The following MCM10 variants were observed in gnomAD, a reference collection of about 807,000 sequenced individuals.
The protein encoded by MCM10 is protein MCM10 homolog.
A neutral mutation model predicts 109.9 loss-of-function variants in MCM10; 91 were observed. That is an observed-to-expected ratio of 0.83 (90% CI 0.70 to 0.99). MCM10 has a LOEUF of 0.99. Among genes scored for constraint, MCM10 ranks in the 50% least tolerant of loss-of-function variants. MCM10 has a pLI of 0.00. For synonymous variants in MCM10, 380 were observed against 387.2 expected, an observed-to-expected ratio of 0.98 and a Z score of 0.22; for missense variants, 1,077 against 1,061.2, an observed-to-expected ratio of 1.01 and a Z score of -0.21.
intron 17 of MCM10, chr10:13,201,898 C>T (rs10796037): frequency 0.84 from 176,951 of 210,472 alleles, 74,753 homozygotes; most frequent in South Asian, 0.89. Context: ...GTTGAACCCC[C>T]TGGCCTCTCC....
chr10:13,198,918 CAG>C, intron 16 of MCM10, 111 bp downstream of exon 16: 1 of 741,986 alleles, frequency 1.3e-6, no homozygotes, highest in East Asian at 2.7e-5. Flanking sequence ...TTTTCTGAGA[CAG>C]AGTCTCAGTC....
chr10:13,173,813 G>A (rs1416319719), intron 5 of MCM10, among the ~76,000 whole-genome samples: 2 of 152,134 alleles, frequency 1.3e-5, no homozygotes, highest in Admixed American at 6.6e-5. Flanking sequence ...TTTAAGGGGT[G>A]GGGAATGGGC....
In MCM10 at chr10:13,175,496, T is replaced by G. The variant is rs771931015; in HGVS notation, c.593-14T>G. ...AGTGTGGTTGCCTTTTCATTAATTGTGTTAATTTTCTAGATCCCAAAAGCT... is the reference window on the plus strand; with the variant it reads ...AGTGTGGTTGCCTTTTCATTAATTGGGTTAATTTTCTAGATCCCAAAAGCT... On this transcript the variant is annotated splice_polypyrimidine_tract_variant and intron_variant, in intron 5 of 19. Coordinates refer to ENST00000378714, the MANE Select transcript of MCM10 (RefSeq NM_018518.5). The G allele has an allele frequency of 2.5e-6, 4 of 1,611,758 alleles. No homozygotes were observed. In the Admixed American group the frequency reaches 6.7e-5, roughly 27 times the overall value.
chr10:13,164,191 C>A lies in MCM10; in HGVS notation c.-12C>A. On this transcript the variant is annotated 5_prime_UTR_variant, in exon 2 of 20. Coordinates refer to ENST00000378714, the MANE Select transcript of MCM10 (RefSeq NM_018518.5). Reference sequence around the variant, plus strand: ...CTTCGAAGTTTCCTGTCACAACTGTCCTCTTGACAGCATGGATGGTAAGAC... The same window carrying A: ...CTTCGAAGTTTCCTGTCACAACTGTACTCTTGACAGCATGGATGGTAAGAC... The A allele has an allele frequency of 6.3e-7, 1 of 1,593,352 alleles. No individual in the cohort carries two copies. The highest frequency in any genetic ancestry group is 8.5e-7 in the Non-Finnish European group (1 of 1,173,926).
chr10:13,180,404 T>G (rs1164343355), intron 6 of MCM10, 38 bp from the exon 7 acceptor site: 2 of 1,576,346 alleles, frequency 1.3e-6, no homozygotes, highest in Non-Finnish European at 1.7e-6. Flanking sequence ...ATTTCTTTAT[T>G]AGAATCATAA....
At chr10:13,194,790 C>T (rs1429661364) in intron 13 of MCM10, among the ~76,000 whole-genome samples, 4 of 152,184 alleles carry the variant, frequency 2.6e-5, no homozygotes, top group African/African-American at 9.7e-5. Flanking sequence ...TTGATAAAAA[C>T]AGTTATCAGT....
chr10:13,163,914 T>C (rs1833960551), intron 1 of MCM10, among the ~76,000 whole-genome samples: 1 of 152,148 alleles, frequency 6.6e-6, no homozygotes, highest in Admixed American at 6.5e-5. Flanking sequence ...TCAATAACTT[T>C]CTGTAACCTT....
intron 2 of MCM10, among the ~76,000 whole-genome samples, 192 bp from the exon 3 acceptor site, chr10:13,170,730 A>G (rs1295344086): frequency 6.6e-6 from 1 of 152,108 alleles, no homozygotes; most frequent in Non-Finnish European, 1.5e-5. Flanking sequence ...TTTTAGATTC[A>G]GGCTTGTTAC....
intron 17 of MCM10, chr10:13,201,757 T>G (rs1834503484): frequency 3.8e-6 from 2 of 520,648 alleles, no homozygotes; most frequent in Non-Finnish European, 6.9e-6. Context: ...CTTCTCTCAT[T>G]TGACCACAGC....
At chr10:13,184,056 C>T (rs993797511) in intron 8 of MCM10, among the ~76,000 whole-genome samples, 2 of 151,998 alleles carry the variant, frequency 1.3e-5, no homozygotes, top group Admixed American at 6.6e-5. Flanking sequence ...ACGAGTTTTA[C>T]CATGTTGGCC....
rs751899271 is a variant in MCM10, at chr10:13,188,895, C to T, written c.1230C>T (p.Tyr410=). ...GCCTTTTGCAGCGTGACTGTGAGTA[C>T]TGTCAGTACCATGTCCAGGCTCAGT... ...TQTVNLRDCE[Y]CQYHVQAQYK... is the part of the protein sequence containing the mutation. Residue 410 remains tyrosine, a synonymous_variant, in exon 10 of 20, where the codon TAC becomes TAT. Transcript: ENST00000378714. 4 of 1,614,140 alleles carry T rather than the reference C, an allele frequency of 2.5e-6. No homozygotes were observed. The South Asian group carries it at 4.4e-5, about 18-fold the overall frequency.
chr10:13,170,418 A>C (rs1834054790), intron 2 of MCM10, among the ~76,000 whole-genome samples: 2 of 152,156 alleles, frequency 1.3e-5, no homozygotes, highest in African/African-American at 4.8e-5. Flanking sequence ...TATACATCTA[A>C]AGCCTAAATC....
chr10:13,198,154 C>T (rs552061444), intron 15 of MCM10, among the ~76,000 whole-genome samples: 56 of 152,138 alleles, frequency 3.7e-4, no homozygotes, highest in African/African-American at 1.2e-3. Context: ...CCTCATGATC[C>T]GCCCGCCTTG....
At chr10:13,170,568 A>G (rs1834056960) in intron 2 of MCM10, among the ~76,000 whole-genome samples, 1 of 152,308 alleles carries the variant, frequency 6.6e-6, no homozygotes. Flanking sequence ...ACTAAGCAGT[A>G]TTGGCTCCTT....
At chr10:13,200,718 A>T (rs1421650403) in intron 16 of MCM10, among the ~76,000 whole-genome samples, 1 of 152,190 alleles carries the variant, frequency 6.6e-6, no homozygotes, top group Non-Finnish European at 1.5e-5. Context: ...CAGGAAACTC[A>T]CCAGTGGGGG....
At chr10:13,185,888 G>A (rs1408940495) in intron 8 of MCM10, among the ~76,000 whole-genome samples, 2 of 152,112 alleles carry the variant, frequency 1.3e-5, no homozygotes, top group African/African-American at 4.8e-5. Context: ...AGCCCCCCAA[G>A]TAACTGGGAC....
At chr10:13,198,057 C>T (rs749238093) in intron 15 of MCM10, among the ~76,000 whole-genome samples, 3 of 151,918 alleles carry the variant, frequency 2.0e-5, no homozygotes, top group South Asian at 2.1e-4. Context: ...GGACTACAAG[C>T]GCGCGCCACC....
At chr10:13,168,238 T>C (rs1437009747) in intron 2 of MCM10, among the ~76,000 whole-genome samples, 1 of 152,244 alleles carries the variant, frequency 6.6e-6, no homozygotes, top group Non-Finnish European at 1.5e-5. Context: ...CTGCCTGGCC[T>C]CTTCTCTCTT....
rs138488957 is a variant in MCM10, at chr10:13,172,506, C to G, written c.454+26C>G. 21 of 1,605,722 alleles carry G rather than the reference C, an allele frequency of 1.3e-5. No homozygotes were observed. In the South Asian group the frequency reaches 2.3e-4, roughly 18 times the overall value. Reference sequence around the variant, plus strand: ...GTAAGAAGACTGTCATTCTGGCAATCGTGTGCATTTATTTTATTAGAAATT... The same window carrying G: ...GTAAGAAGACTGTCATTCTGGCAATGGTGTGCATTTATTTTATTAGAAATT... On this transcript the variant is annotated intron_variant, in intron 4 of 19. Coordinates refer to ENST00000378714, the MANE Select transcript of MCM10 (RefSeq NM_018518.5). The surrounding 1 kb of genome is among the most constrained non-coding windows in gnomAD (Gnocchi z 5.2).
Sources: gnomAD v4.1 joint callset for allele counts (sites outside exome capture counted in the v4.1 genomes callset) on GRCh38, gnomAD v4.1.1 for gene constraint, Gnocchi (gnomAD v3.1) non-coding constraint, MANE v1.5 for transcripts, NCBI Gene and HGNC (gene_info 2026-07-23, HGNC 2026-07-21) for gene names.